Variants in MTMR6 observed in about 807,000 individuals in gnomAD.
MTMR6 encodes myotubularin related protein 6, also known as phosphatidylinositol-3,5-bisphosphate 3-phosphatase MTMR6.
Under a neutral mutation model 80.1 loss-of-function variants are expected in MTMR6, and 47 were observed. That is an observed-to-expected ratio of 0.59 (90% CI 0.46 to 0.75). The LOEUF is 0.75. Ranked by LOEUF, MTMR6 falls within the 30% of genes least tolerant of loss-of-function variation. MTMR6 has a pLI of 0.00. For missense variants in MTMR6, 629 were observed against 730.9 expected, an observed-to-expected ratio of 0.86 and a Z score of 1.61; for synonymous variants, 254 against 253.0, an observed-to-expected ratio of 1.00 and a Z score of -0.04.
chr13:25,252,000 A>G lies in MTMR6; in HGVS notation c.1347-16T>C, dbSNP rs765983201. On this transcript the variant is annotated splice_polypyrimidine_tract_variant and intron_variant, in intron 11 of 13. Transcript: ENST00000381801. This position sits in a 1 kb window ranked among gnomAD's most constrained non-coding sequence, Gnocchi z 4.1. Reference sequence around the variant, plus strand: ...CTCCTTCAACCTTAATATAATGAGAAAAACACAGAGATCTTTCCTATAGAT... The same window carrying G: ...CTCCTTCAACCTTAATATAATGAGAGAAACACAGAGATCTTTCCTATAGAT... 15 of 1,603,846 alleles carry G rather than the reference A, an allele frequency of 9.4e-6. No homozygotes were observed. The African/African-American group carries it at 1.5e-4, about 16-fold the overall frequency.
chr13:25,250,548 G>A (rs1957062388), intron 13 of MTMR6, among the ~76,000 whole-genome samples: 1 of 152,014 alleles, frequency 6.6e-6, no homozygotes, highest in Non-Finnish European at 1.5e-5. Context: ...AAAACCAAAT[G>A]GCCAACAAAT....
Position 25,265,805 on chromosome 13 carries a change from G to A in MTMR6, c.591+14C>T, listed in dbSNP as rs764789125. On this transcript the variant is annotated intron_variant, in intron 5 of 13. Coordinates refer to ENST00000381801, the MANE Select transcript of MTMR6 (RefSeq NM_004685.5). Reference sequence around the variant, plus strand: ...TTATACTTTATTTCTAAAATCAAAAGAAAAGCATCCTACCTCCTTATCTTG... The same window carrying A: ...TTATACTTTATTTCTAAAATCAAAAAAAAAGCATCCTACCTCCTTATCTTG... The A allele has an allele frequency of 6.3e-7, 1 of 1,598,852 alleles. No individual in the cohort carries two copies. The highest frequency in any genetic ancestry group is 1.1e-5 in the South Asian group (1 of 89,286).
Position 25,274,109 on chromosome 13 carries a change from G to C in MTMR6, c.103C>G (p.His35Asp). 6.2e-7 allele frequency: 1 copy of C among 1,611,882 alleles called. No individual in the cohort carries two copies. The highest frequency in any genetic ancestry group is 8.5e-7 in the Non-Finnish European group (1 of 1,178,634). The change falls in exon 2 of 14, where the codon CAT becomes GAT. Residue 35 changes from histidine (H) to aspartate (D), a missense_variant. By Grantham distance (81) the His-to-Asp change is moderately conservative. Coordinates refer to ENST00000381801, the MANE Select transcript of MTMR6 (RefSeq NM_004685.5). ...LTGTLYLTAT[H>D]LLFIDSHQKE... is the part of the protein sequence containing the mutation. ...TGATGAGAGTCGATAAATAATAGAT[G>C]TGTAGCCGTAAGATACAGTGTTCCT...
At position 25,287,216 on chromosome 13, in the gene MTMR6, C is replaced by G; in HGVS notation, c.24+8G>C. 6.3e-7 allele frequency: 1 copy of G among 1,596,766 alleles called. No homozygotes were observed. The highest frequency in any genetic ancestry group is 8.5e-7 in the Non-Finnish European group (1 of 1,174,506). ...CCCCTGAAGACTGGCGATCCCGCGC[C>G]CGACTACCTTGGTCGTCCGGATATG... On this transcript the variant is annotated splice_region_variant and intron_variant, in intron 1 of 13. Coordinates refer to ENST00000381801, the MANE Select transcript of MTMR6 (RefSeq NM_004685.5).
intron 6 of MTMR6, among the ~76,000 whole-genome samples, chr13:25,261,278 A>G (rs1430060875): frequency 1.6e-5 from 2 of 121,858 alleles, no homozygotes; most frequent in Non-Finnish European, 3.3e-5. Flanking sequence ...ACTGCACTCC[A>G]GGGTGACAGA....
At chr13:25,286,227 T>A (rs74042912) in intron 1 of MTMR6, among the ~76,000 whole-genome samples, 3,597 of 152,298 alleles carry the variant, frequency 0.024, 151 homozygotes, top group African/African-American at 0.083. Flanking sequence ...GTGAAACATT[T>A]AAAAAATTTT....
intron 13 of MTMR6, among the ~76,000 whole-genome samples, chr13:25,249,700 A>G (rs774140900): frequency 3.9e-5 from 6 of 152,186 alleles, no homozygotes; most frequent in Non-Finnish European, 7.4e-5. Context: ...GTTAGTTTTT[A>G]TATTTATTAA....
At chr13:25,281,104 T>A (rs952024198) in intron 1 of MTMR6, among the ~76,000 whole-genome samples, 1 of 152,186 alleles carries the variant, frequency 6.6e-6, no homozygotes, top group African/African-American at 2.4e-5. Context: ...GGCAGGAGGA[T>A]TGCTTGAGAC....
At chr13:25,276,782 GATA>G (rs759765233) in intron 1 of MTMR6, among the ~76,000 whole-genome samples, 2 of 152,176 alleles carry the variant, frequency 1.3e-5, no homozygotes, top group Admixed American at 1.3e-4. Flanking sequence ...CTGCTACACA[GATA>G]ATATTTCCTG....
chr13:25,268,581 C>A (rs1024799512), intron 2 of MTMR6, among the ~76,000 whole-genome samples: 1 of 152,158 alleles, frequency 6.6e-6, no homozygotes, highest in Non-Finnish European at 1.5e-5. Context: ...ACACCAAAAG[C>A]GTAGCCTGAC....
intron 1 of MTMR6, among the ~76,000 whole-genome samples, chr13:25,281,917 C>A (rs1360662291): frequency 6.6e-6 from 1 of 152,136 alleles, no homozygotes; most frequent in Non-Finnish European, 1.5e-5. Flanking sequence ...GATCGTAAAT[C>A]CAGTGGGCAC....
At chr13:25,276,217 T>C (rs1371057798) in intron 1 of MTMR6, among the ~76,000 whole-genome samples, 1 of 152,132 alleles carries the variant, frequency 6.6e-6, no homozygotes, top group Non-Finnish European at 1.5e-5. Context: ...AACCATATCA[T>C]TTCCTAAGCT....
chr13:25,262,556 T>C (rs1957362924), intron 5 of MTMR6, among the ~76,000 whole-genome samples: 1 of 152,100 alleles, frequency 6.6e-6, no homozygotes. Flanking sequence ...TTTGTTAAGA[T>C]GGGTTTTTGC....
At chr13:25,285,140 A>G (rs1957928806) in intron 1 of MTMR6, among the ~76,000 whole-genome samples, 1 of 152,252 alleles carries the variant, frequency 6.6e-6, no homozygotes, top group African/African-American at 2.4e-5. Flanking sequence ...CAGTTGGTAG[A>G]TAAGGAGGAA....
rs1957974609 is a variant in MTMR6 at position 25,287,324 on chromosome 13, G to A, written c.-77C>T. On this transcript the variant is annotated 5_prime_UTR_variant, in exon 1 of 14. Coordinates refer to ENST00000381801, the MANE Select transcript of MTMR6 (RefSeq NM_004685.5). Reference sequence around the variant, plus strand: ...CAGAAACAGGGCGGTGACAGCGACAGAGAGCAAGCGGGAACTCCCTCCACC... The same window carrying A: ...CAGAAACAGGGCGGTGACAGCGACAAAGAGCAAGCGGGAACTCCCTCCACC... 6.5e-7 allele frequency: 1 copy of A among 1,531,660 alleles called. No homozygotes were observed. The highest frequency in any genetic ancestry group is 8.8e-7 in the Non-Finnish European group (1 of 1,138,262). The allele number at this position is 1,531,660 out of a possible 1,614,324, so 94.9% of individuals were successfully genotyped here. A position where few individuals can be genotyped will look rare whatever the true frequency, so the allele number is the denominator to read the frequency against.
At chr13:25,249,580 T>A in intron 13 of MTMR6, 88 bp from the exon 14 acceptor site, 1 of 1,324,860 alleles carries the variant, frequency 7.5e-7, no homozygotes, top group East Asian at 2.5e-5. Flanking sequence ...TTGCAAAATA[T>A]GTTCTCTGTA....
chr13:25,258,369 C>T (rs1957259997), intron 7 of MTMR6, among the ~76,000 whole-genome samples, 191 bp downstream of exon 7: 1 of 151,944 alleles, frequency 6.6e-6, no homozygotes, highest in Non-Finnish European at 1.5e-5. Flanking sequence ...TATCTCATTA[C>T]TGATTTTTTT....
At chr13:25,286,842 A>G (rs1957963086) in intron 1 of MTMR6, among the ~76,000 whole-genome samples, 1 of 152,234 alleles carries the variant, frequency 6.6e-6, no homozygotes, top group Non-Finnish European at 1.5e-5. Flanking sequence ...ACACAGCATC[A>G]TAATGTTAAT....
rs1209501000 is a variant in MTMR6 at position 25,267,919 on chromosome 13, G to A, written c.164C>T (p.Ser55Leu). The change falls in exon 3 of 14, where the codon TCA becomes TTA. Residue 55 changes from serine (S) to leucine (L), a missense_variant. Transcript: ENST00000381801. ...AGTAGTCAAAGCAAGTTTCTCTACT[G>A]AGGCAATATGGTGGTGTAATATCTA... Reference protein sequence around the residue: ...ETWILHHHIASVEKLALTTSG... With the variant: ...ETWILHHHIALVEKLALTTSG... 6.2e-7 allele frequency: 1 copy of A among 1,610,682 alleles called. No individual in the cohort carries two copies. The highest frequency in any genetic ancestry group is 1.3e-5 in the African/African-American group (1 of 74,828).
Sources: allele counts gnomAD v4.1 joint callset (sites outside exome capture counted in the v4.1 genomes callset), GRCh38; gene constraint gnomAD v4.1.1; non-coding constraint Gnocchi (gnomAD v3.1); transcripts MANE v1.5; gene names NCBI Gene and HGNC (gene_info 2026-07-23, HGNC 2026-07-21).